The following ELK3 variants were observed in gnomAD, a reference collection of about 807,000 sequenced individuals.
The protein encoded by ELK3 is ETS domain-containing protein Elk-3.
A neutral mutation model predicts 28.9 loss-of-function variants in ELK3; 10 were observed. The ratio of observed to expected loss-of-function variants is 0.35; its 90% confidence interval spans 0.21 to 0.59. ELK3 has a LOEUF of 0.59. Among genes scored for constraint, ELK3 ranks in the 20% least tolerant of loss-of-function variants. The pLI is 0.82. For synonymous variants in ELK3, 272 were observed against 243.5 expected (o/e 1.12, Z -1.09); for missense variants, 463 against 517.3 (o/e 0.90, Z 1.02).
intron 1 of ELK3, among the ~76,000 whole-genome samples, chr12:96,219,162 TAATA>T (rs1951645267): frequency 6.6e-6 from 1 of 152,234 alleles, no homozygotes. Context: ...ATTGTTGATT[TAATA>T]AAAGCCACAG....
At chr12:96,206,848 G>A (rs1316804020) in intron 1 of ELK3, among the ~76,000 whole-genome samples, 2 of 152,168 alleles carry the variant, frequency 1.3e-5, no homozygotes, top group African/African-American at 4.8e-5. Context: ...TCCATCAGAT[G>A]CTTTTGGTGG....
At chr12:96,228,348 G>A (rs1198202712) in intron 2 of ELK3, among the ~76,000 whole-genome samples, 4 of 147,578 alleles carry the variant, frequency 2.7e-5, no homozygotes, top group African/African-American at 1.0e-4. Context: ...AACCCGGGAG[G>A]CAGAGGTTGC....
chr12:96,195,956 C>T (rs2136995035), intron 1 of ELK3, among the ~76,000 whole-genome samples: 1 of 151,790 alleles, frequency 6.6e-6, no homozygotes, highest in African/African-American at 2.4e-5. Flanking sequence ...GTCCTCCAGC[C>T]TGGGGGTGGC....
At chr12:96,200,557 G>A (rs1246546028) in intron 1 of ELK3, among the ~76,000 whole-genome samples, 1 of 152,082 alleles carries the variant, frequency 6.6e-6, no homozygotes, top group Non-Finnish European at 1.5e-5. Context: ...GAGTGCACTG[G>A]CACTGTCATA....
chr12:96,197,658 C>T (rs117888748), intron 1 of ELK3, among the ~76,000 whole-genome samples: 2,050 of 152,276 alleles, frequency 0.013, 43 homozygotes, highest in Admixed American at 0.056. Context: ...AGTATAGCAT[C>T]TTCATGCACT....
At chr12:96,246,041 A>G (rs932589999) in intron 2 of ELK3, among the ~76,000 whole-genome samples, 3 of 152,228 alleles carry the variant, frequency 2.0e-5, no homozygotes, top group African/African-American at 7.2e-5. Context: ...TAAAAAGGAA[A>G]AAAATGACTG....
intron 1 of ELK3, among the ~76,000 whole-genome samples, chr12:96,209,553 A>G (rs990606503): frequency 3.3e-5 from 5 of 152,230 alleles, no homozygotes; most frequent in Non-Finnish European, 7.3e-5. Context: ...TTTCAAGTTT[A>G]TCAGAAAGAT....
intron 2 of ELK3, among the ~76,000 whole-genome samples, chr12:96,242,952 C>T (rs1951831405): frequency 1.3e-5 from 2 of 152,126 alleles, no homozygotes; most frequent in African/African-American, 2.4e-5. Flanking sequence ...CCCGTCACTG[C>T]GTAACCTTTC....
At chr12:96,222,107 G>C (rs1192007668) in intron 1 of ELK3, among the ~76,000 whole-genome samples, 1 of 152,106 alleles carries the variant, frequency 6.6e-6, no homozygotes, top group Admixed American at 6.5e-5. Flanking sequence ...CAAAGCTTTT[G>C]AGGCCAGTCT....
At chr12:96,237,123 G>C (rs1164886864) in intron 2 of ELK3, among the ~76,000 whole-genome samples, 1 of 152,224 alleles carries the variant, frequency 6.6e-6, no homozygotes, top group Non-Finnish European at 1.5e-5. Context: ...AATTACATCT[G>C]TAAGAACCCT....
At chr12:96,219,002 A>G (rs576522261) in intron 1 of ELK3, among the ~76,000 whole-genome samples, 1 of 152,342 alleles carries the variant, frequency 6.6e-6, no homozygotes, top group East Asian at 1.9e-4. Context: ...GATTTCTAGC[A>G]TGCCTTTTAT....
rs71091236 is a variant in ELK3, at chr12:96,228,416, C to CAAAAAAAA, written c.207+4664_207+4671dup. On this transcript the variant is annotated intron_variant, in intron 2 of 4. Transcript: ENST00000228741. ...CTGGCGACAGAGTGAGACTCTGTGT[C>CAAAAAAAA]AAAAAAAAAAAAAAAAAAAAAAAAA... Among the ~76,000 whole-genome samples the CAAAAAAAA allele has an allele frequency of 9.8e-4, 67 of 68,314 alleles. 1 individual carries two copies. Among genetic ancestry groups the CAAAAAAAA allele is most frequent in the African/African-American group, 3.3e-3 (55 of 16,920 alleles). 44.8% of individuals were successfully genotyped at this position (68,314 alleles called of 152,430 possible). A position where few individuals can be genotyped will look rare whatever the true frequency, so the allele number is the denominator to read the frequency against.
At chr12:96,266,151 C>T (rs1402974398) in intron 4 of ELK3, among the ~76,000 whole-genome samples, 2 of 152,168 alleles carry the variant, frequency 1.3e-5, no homozygotes, top group African/African-American at 2.4e-5. Flanking sequence ...GTACTAGACA[C>T]AAGTTACTGA....
intron 1 of ELK3, among the ~76,000 whole-genome samples, chr12:96,207,517 T>C (rs1398178283): frequency 6.6e-6 from 1 of 152,238 alleles, no homozygotes; most frequent in African/African-American, 2.4e-5. Flanking sequence ...TGTATAAATG[T>C]TTATGCCTGG....
intron 3 of ELK3, among the ~76,000 whole-genome samples, chr12:96,250,191 A>C (rs1951892686): frequency 1.3e-5 from 2 of 152,328 alleles, no homozygotes; most frequent in South Asian, 4.1e-4. Flanking sequence ...GAGATGGTAG[A>C]GCCTCGGGAC....
chr12:96,232,734 G>A (rs1951751686), intron 2 of ELK3, among the ~76,000 whole-genome samples: 1 of 140,098 alleles, frequency 7.1e-6, no homozygotes, highest in Non-Finnish European at 1.5e-5. Flanking sequence ...AATATAGTGA[G>A]GCCTTGTTTC....
chr12:96,250,838 G>A (rs888116115), intron 3 of ELK3, among the ~76,000 whole-genome samples: 2 of 152,174 alleles, frequency 1.3e-5, no homozygotes, highest in Non-Finnish European at 2.9e-5. Context: ...TGTGTGTGCT[G>A]TAATAACCCG....
At chr12:96,222,462 G>A (rs1225749334) in intron 1 of ELK3, among the ~76,000 whole-genome samples, 1 of 152,202 alleles carries the variant, frequency 6.6e-6, no homozygotes, top group Non-Finnish European at 1.5e-5. Flanking sequence ...ATCTGTGATG[G>A]TGGGCTTTGA....
intron 2 of ELK3, among the ~76,000 whole-genome samples, chr12:96,243,438 G>T (rs35243180): frequency 0.041 from 6,207 of 152,240 alleles, 141 homozygotes; most frequent in Middle Eastern, 0.051. Context: ...TCATAGAATA[G>T]AATATTCTAT....
Sources: gnomAD v4.1 joint callset for allele counts (sites outside exome capture counted in the v4.1 genomes callset) on GRCh38, gnomAD v4.1.1 for gene constraint, MANE v1.5 for transcripts, NCBI Gene and HGNC (gene_info 2026-07-23, HGNC 2026-07-21) for gene names.